Variants in CWC27 observed in about 807,000 individuals in gnomAD.
The protein encoded by CWC27 is CWC27 spliceosome associated cyclophilin, also known as spliceosome-associated protein CWC27 homolog.
In CWC27, 47 loss-of-function variants were observed where a neutral mutation model predicts 63.6. The observed-to-expected ratio is 0.74, with a 90% CI of 0.58 to 0.94. The LOEUF is 0.94. CWC27 is among the 40% of genes least tolerant of loss of function. The pLI, the probability that CWC27 is intolerant of heterozygous loss-of-function variation, is 0.00. For synonymous variants in CWC27, 175 were observed against 179.8 expected, an observed-to-expected ratio of 0.97 and a Z score of 0.22; for missense variants, 495 against 554.3, an observed-to-expected ratio of 0.89 and a Z score of 1.07.
chr5:64,979,367 A>T (rs1275905356), intron 13 of CWC27, among the ~76,000 whole-genome samples: 1 of 152,234 alleles, frequency 6.6e-6, no homozygotes, highest in African/African-American at 2.4e-5. Context: ...TTTATCTAAC[A>T]TCTAACAAAA....
intron 8 of CWC27, 114 bp downstream of exon 8, chr5:64,800,441 C>A: frequency 1.7e-6 from 1 of 598,010 alleles, no homozygotes; most frequent in Non-Finnish European, 2.8e-6. Context: ...TTTAAGCCAG[C>A]CAAAAAAATA....
At chr5:64,930,450 A>G (rs896312103) in intron 11 of CWC27, among the ~76,000 whole-genome samples, 15 of 152,150 alleles carry the variant, frequency 9.9e-5, no homozygotes, top group African/African-American at 3.1e-4. Context: ...AATTTGAACT[A>G]TTGGGTAGAA....
At chr5:65,009,115 C>T (rs1370175181) in intron 13 of CWC27, among the ~76,000 whole-genome samples, 4 of 152,148 alleles carry the variant, frequency 2.6e-5, no homozygotes, top group South Asian at 2.1e-4. Context: ...TGGTAGAAGG[C>T]AAAGGGGAGG....
intron 11 of CWC27, among the ~76,000 whole-genome samples, chr5:64,908,603 C>T (rs1747714389): frequency 1.3e-5 from 2 of 152,158 alleles, no homozygotes; most frequent in Non-Finnish European, 2.9e-5. Context: ...ATAGTTAGCT[C>T]CTCTTATTGA....
Position 64,788,977 on chromosome 5 carries a change from A to G in CWC27, c.626A>G (p.Glu209Gly). 1 of 1,597,090 alleles carries G rather than the reference A, an allele frequency of 6.3e-7. No individual in the cohort carries two copies. Among genetic ancestry groups the G allele is most frequent in the Non-Finnish European group, 8.5e-7 (1 of 1,172,384 alleles). Residue 209 changes from glutamate to glycine, a missense_variant, in exon 7 of 14, where the codon GAG becomes GGG. By Grantham distance (98) the Glu-to-Gly change is moderately conservative. Coordinates refer to ENST00000381070, the MANE Select transcript of CWC27 (RefSeq NM_005869.4). ...TKNFSLLSFGEEAEEEEEEVN... is the reference protein window; with the variant it reads ...TKNFSLLSFGGEAEEEEEEVN... The stretch of plus-strand genomic sequence containing the variant: ...AATTTTAGTTTACTTTCATTTGGAG[A>G]GGAAGCTGAGGAAGAAGAGGAGGAA...
rs142673434 is a variant in CWC27, at chr5:64,774,423, A to G, written c.43-268A>G. Among the ~76,000 whole-genome samples the G allele has an allele frequency of 7.7e-3, 1,167 of 152,316 alleles. 12 individuals are homozygous for G. Among genetic ancestry groups the G allele is most frequent in the African/African-American group, 0.015 (624 of 41,558 alleles). ...ATATTACCGTTTTCTAAATGAATGA[A>G]GTTTTTTTCTGTGATTAAAAAAGAT... On this transcript the variant is annotated intron_variant, in intron 1 of 13. Coordinates refer to ENST00000381070, the MANE Select transcript of CWC27 (RefSeq NM_005869.4).
intron 13 of CWC27, among the ~76,000 whole-genome samples, chr5:65,016,744 C>G (rs956326943): frequency 3.9e-5 from 6 of 152,132 alleles, no homozygotes; most frequent in African/African-American, 1.4e-4. Flanking sequence ...TCTTCAAAAT[C>G]TAGGTATACC....
At chr5:64,915,178 C>A (rs1206563073) in intron 11 of CWC27, among the ~76,000 whole-genome samples, 1 of 151,996 alleles carries the variant, frequency 6.6e-6, no homozygotes, top group African/African-American at 2.4e-5. Flanking sequence ...TTTCCTCTAT[C>A]CCCTCCTTGT....
chr5:64,809,459 A>T (rs1283099605), intron 10 of CWC27, among the ~76,000 whole-genome samples: 4 of 152,050 alleles, frequency 2.6e-5, no homozygotes, highest in Middle Eastern at 3.2e-3. Flanking sequence ...CCTCTGCCTC[A>T]TGGGTTCAAG....
At chr5:64,772,254 C>T (rs1484013190) in intron 1 of CWC27, among the ~76,000 whole-genome samples, 1 of 152,078 alleles carries the variant, frequency 6.6e-6, no homozygotes, top group Non-Finnish European at 1.5e-5. Flanking sequence ...GTGTGCAAAA[C>T]CATCCATGAG....
rs143299099 is a variant in CWC27 at position 64,791,051 on chromosome 5, C to T, written c.669+2031C>T. 4.7e-3 allele frequency among the ~76,000 whole-genome samples: 716 copies of T among 152,152 alleles called. 9 individuals carry two copies. The highest frequency in any genetic ancestry group is 0.017 in the South Asian group (84 of 4,818). ...GGTTGGTGAGAAATTTCACTGGTAG[C>T]GTAGCATTCTGGGGTAGAAGGCAGC... On this transcript the variant is annotated intron_variant, in intron 7 of 13. Transcript: ENST00000381070.
At chr5:64,813,053 C>T (rs1161127101) in intron 10 of CWC27, among the ~76,000 whole-genome samples, 2 of 152,072 alleles carry the variant, frequency 1.3e-5, no homozygotes, top group African/African-American at 2.4e-5. Context: ...TTTGGAGCTA[C>T]TATTTAAAAG....
chr5:64,881,529 C>T (rs950891431), intron 10 of CWC27, among the ~76,000 whole-genome samples: 1 of 152,058 alleles, frequency 6.6e-6, no homozygotes, highest in Non-Finnish European at 1.5e-5. Flanking sequence ...AATAGAGGAC[C>T]TAAATCATAA....
chr5:64,825,615 T>C (rs1398112150), intron 10 of CWC27, among the ~76,000 whole-genome samples: 1 of 152,206 alleles, frequency 6.6e-6, no homozygotes, highest in Non-Finnish European at 1.5e-5. Flanking sequence ...GATGGAAGTT[T>C]AGATGATTGA....
chr5:64,861,582 A>T (rs1746414006), intron 10 of CWC27, among the ~76,000 whole-genome samples: 1 of 152,220 alleles, frequency 6.6e-6, no homozygotes, highest in Non-Finnish European at 1.5e-5. Flanking sequence ...TTGATTTAAA[A>T]ATCAAGGACA....
intron 11 of CWC27, among the ~76,000 whole-genome samples, chr5:64,949,622 C>T (rs1284923207): frequency 6.6e-6 from 1 of 151,988 alleles, no homozygotes; most frequent in Non-Finnish European, 1.5e-5. Context: ...ATGCAAGGCC[C>T]TATATGGGCT....
chr5:64,943,084 A>G (rs1323824916), intron 11 of CWC27, among the ~76,000 whole-genome samples: 1 of 152,226 alleles, frequency 6.6e-6, no homozygotes, highest in African/African-American at 2.4e-5. Context: ...GGCATCAGGT[A>G]TGCTTTTCAA....
chr5:65,005,957 G>A (rs545056573), intron 13 of CWC27, among the ~76,000 whole-genome samples: 28 of 152,110 alleles, frequency 1.8e-4, no homozygotes, highest in South Asian at 1.7e-3. Context: ...AAAGCAAACC[G>A]AGAGTCATAG....
chr5:64,824,670 G>GT (rs200770397), intron 10 of CWC27, among the ~76,000 whole-genome samples: 9,568 of 131,960 alleles, frequency 0.073, 372 homozygotes, highest in African/African-American at 0.1. Flanking sequence ...AGTTTTGTGG[G>GT]TTTTTTTTTT....
Sources: allele counts gnomAD v4.1 joint callset (sites outside exome capture counted in the v4.1 genomes callset), GRCh38; gene constraint gnomAD v4.1.1; transcripts MANE v1.5; gene names NCBI Gene and HGNC (gene_info 2026-07-23, HGNC 2026-07-21).